TRERF1: variants seen among roughly 807,000 people sequenced by gnomAD.
TRERF1 encodes the protein transcriptional-regulating factor 1.
Under a neutral mutation model 122.9 loss-of-function variants are expected in TRERF1, and 27 were observed. The observed-to-expected ratio is 0.22, with a 90% CI of 0.16 to 0.30. The LOEUF (loss-of-function observed/expected upper bound fraction) is 0.30, where lower values mean the gene tolerates loss of function less well. TRERF1 is among the 10% of genes least tolerant of loss of function. The pLI, the probability that TRERF1 is intolerant of heterozygous loss-of-function variation, is 1.00. For missense variants in TRERF1, 1,248 were observed against 1,560.3 expected (o/e 0.80, Z 3.37); for synonymous variants, 636 against 641.7 (o/e 0.99, Z 0.13).
chr6:42,269,101 G>C lies in TRERF1; in HGVS notation c.490C>G (p.Gln164Glu), dbSNP rs751076776. 6.2e-7 allele frequency: 1 copy of C among 1,614,210 alleles called. No individual in the cohort carries two copies. Among genetic ancestry groups the C allele is most frequent in the Non-Finnish European group, 8.5e-7 (1 of 1,180,038 alleles). The change falls in exon 5 of 18, where the codon CAG becomes GAG. Residue 164 changes from glutamine (Q) to glutamate (E), a missense_variant. Coordinates refer to ENST00000372922, the Ensembl canonical transcript of TRERF1. This position sits in a 1 kb window ranked among gnomAD's most constrained non-coding sequence, Gnocchi z 4.9. ...ACTGCTGACTGAGTGTGCAGCACCT[G>C]GGCCATATTGTTGACCTGAATTCGC...
Position 42,269,213 on chromosome 6 carries a change from C to T in TRERF1, c.378G>A (p.Gln126=). 6.2e-7 allele frequency: 1 copy of T among 1,614,230 alleles called. No individual in the cohort carries two copies. The highest frequency in any genetic ancestry group is 8.5e-7 in the Non-Finnish European group (1 of 1,180,038). ...GCTTCTGGGTCCGGATCTCGCTGGC[C>T]TGGGAGTAGGTGTATTGGTAGCCAT... Residue 126 remains glutamine, a synonymous_variant, in exon 5 of 18, where the codon CAG becomes CAA. Transcript: ENST00000372922. The surrounding 1 kb of genome is among the most constrained non-coding windows in gnomAD (Gnocchi z 4.9).
intron 2 of TRERF1, among the ~76,000 whole-genome samples, chr6:42,392,654 T>G (rs1777940140): frequency 6.6e-6 from 1 of 152,136 alleles, no homozygotes; most frequent in Non-Finnish European, 1.5e-5. Flanking sequence ...TCTTTTCATG[T>G]CCCTGAAAGT....
exon 13 of TRERF1, chr6:42,254,922 G>T: frequency 6.2e-7 from 1 of 1,614,120 alleles, no homozygotes; most frequent in Non-Finnish European, 8.5e-7. Context: ...CATTTCCAGA[G>T]CAACCTGCAG....
chr6:42,416,201 C>T (rs1781813350), intron 2 of TRERF1, among the ~76,000 whole-genome samples: 1 of 151,946 alleles, frequency 6.6e-6, no homozygotes, highest in African/African-American at 2.4e-5. Flanking sequence ...TTAGTTTTGC[C>T]TTTTCCTTCT....
intron 2 of TRERF1, among the ~76,000 whole-genome samples, chr6:42,388,385 C>T (rs1336357397): frequency 3.9e-5 from 6 of 152,046 alleles, no homozygotes; most frequent in Non-Finnish European, 7.4e-5. Flanking sequence ...AGGAAAAATA[C>T]GAGCTCAGCA....
intron 2 of TRERF1, among the ~76,000 whole-genome samples, chr6:42,435,928 TGA>T (rs897147805): frequency 2.3e-4 from 34 of 149,286 alleles, no homozygotes; most frequent in African/African-American, 6.9e-4. Context: ...TGCAGTGAGC[TGA>T]GATTGCACCA....
chr6:42,341,670 C>T (rs1767322575), intron 3 of TRERF1, among the ~76,000 whole-genome samples: 2 of 152,226 alleles, frequency 1.3e-5, no homozygotes, highest in South Asian at 4.1e-4. Context: ...AGGTCTACCC[C>T]TAGCATGGCT....
Position 42,360,770 on chromosome 6 carries a change from T to TAAAAAA in TRERF1, c.-371+2226_-371+2227insTTTTTT, listed in dbSNP as rs1491517636. The stretch of plus-strand genomic sequence containing the variant: ...ACCCAGGGAGGAAGGAGTGGAGAGA[T>TAAAAAA]TAAAAAAAAAAAAAAAAAAAAAAAA... On this transcript the variant is annotated intron_variant, in intron 3 of 17. Coordinates refer to ENST00000372922, the Ensembl canonical transcript of TRERF1. Among the ~76,000 whole-genome samples the TAAAAAA allele has an allele frequency of 9.8e-4, 63 of 64,094 alleles. 10 individuals are homozygous for TAAAAAA. Among genetic ancestry groups the TAAAAAA allele is most frequent in the African/African-American group, 2.8e-3 (60 of 21,628 alleles). 42.0% of individuals were successfully genotyped at this position (64,094 alleles called of 152,430 possible). A position where few individuals can be genotyped will look rare whatever the true frequency, so the allele number is the denominator to read the frequency against.
intron 13 of TRERF1, among the ~76,000 whole-genome samples, chr6:42,252,149 T>C (rs1269669786): frequency 6.6e-6 from 1 of 152,246 alleles, no homozygotes; most frequent in Non-Finnish European, 1.5e-5. Flanking sequence ...CTGTGGATCC[T>C]GTACAGGGTT....
chr6:42,256,481 A>G (rs1776770744), intron 12 of TRERF1, among the ~76,000 whole-genome samples: 1 of 152,156 alleles, frequency 6.6e-6, no homozygotes, highest in African/African-American at 2.4e-5. Flanking sequence ...CTAATGTCCT[A>G]GGACAGATGT....
intron 4 of TRERF1, among the ~76,000 whole-genome samples, chr6:42,287,786 C>G (rs995463652): frequency 7.2e-5 from 11 of 152,160 alleles, no homozygotes; most frequent in African/African-American, 2.7e-4. Flanking sequence ...CCATGCTCCT[C>G]TGGTCGGGTC....
At chr6:42,320,774 T>C (rs1391001518) in intron 3 of TRERF1, among the ~76,000 whole-genome samples, 1 of 152,192 alleles carries the variant, frequency 6.6e-6, no homozygotes, top group Non-Finnish European at 1.5e-5. Flanking sequence ...CCTCCCAAAG[T>C]GCTGGAATTA....
chr6:42,333,369 C>T (rs964489574), intron 3 of TRERF1, among the ~76,000 whole-genome samples: 1 of 152,196 alleles, frequency 6.6e-6, no homozygotes, highest in African/African-American at 2.4e-5. Flanking sequence ...GAGTAAGTTA[C>T]AAGCCTCTTC....
intron 3 of TRERF1, among the ~76,000 whole-genome samples, chr6:42,321,777 T>TA (rs554678486): frequency 1.5e-4 from 23 of 152,048 alleles, no homozygotes; most frequent in Non-Finnish European, 2.4e-4. Flanking sequence ...AAATCTTTTA[T>TA]AAAAAAAACT....
chr6:42,257,052 T>C lies in TRERF1; in HGVS notation c.2387A>G (p.Asp796Gly), dbSNP rs575020170. 3.7e-6 allele frequency: 6 copies of C among 1,614,220 alleles called. No individual in the cohort carries two copies. In the East Asian group the frequency reaches 1.1e-4, roughly 30 times the overall value. ...TGTGTCCTGGGCCAGGGCAGAGATA[T>C]CTTGGAGTTCAGGGATTTCTGCTTG... The change falls in exon 11 of 18, where the codon GAT (aspartate) becomes GGT (glycine). Residue 796 changes from aspartate to glycine, a missense_variant. This residue lies in a region of TRERF1 where 946 missense variants were observed against 1,073.0 expected (regional missense o/e 0.88). Transcript: ENST00000372922.
At chr6:42,262,752 C>CT (rs1387501653) in intron 8 of TRERF1, among the ~76,000 whole-genome samples, 1 of 152,150 alleles carries the variant, frequency 6.6e-6, no homozygotes, top group East Asian at 1.9e-4. Flanking sequence ...ACTTTGGGAA[C>CT]TTTAACGAAT....
chr6:42,315,609 G>A (rs1369455036), intron 3 of TRERF1, among the ~76,000 whole-genome samples: 1 of 152,056 alleles, frequency 6.6e-6, no homozygotes, highest in African/African-American at 2.4e-5. Context: ...GACAAAGGAG[G>A]TCAAATGAAG....
chr6:42,327,682 A>G (rs917126906), intron 3 of TRERF1, among the ~76,000 whole-genome samples: 2 of 152,256 alleles, frequency 1.3e-5, no homozygotes, highest in Non-Finnish European at 2.9e-5. Flanking sequence ...TCTGGAACAT[A>G]GTTGGTACTG....
intron 4 of TRERF1, among the ~76,000 whole-genome samples, chr6:42,283,581 A>C (rs1007009527): frequency 3.3e-5 from 5 of 152,096 alleles, no homozygotes; most frequent in Middle Eastern, 3.4e-3. Flanking sequence ...CTTACAAAAA[A>C]AACCCAGATA....
Sources: allele counts gnomAD v4.1 joint callset (sites outside exome capture counted in the v4.1 genomes callset), GRCh38; gene constraint gnomAD v4.1.1; regional missense constraint gnomAD v4.1.1; non-coding constraint Gnocchi (gnomAD v3.1); transcripts MANE v1.5; gene names NCBI Gene and HGNC (gene_info 2026-07-23, HGNC 2026-07-21).